The following TENM3 variants were observed in gnomAD, a reference collection of about 807,000 sequenced individuals.
TENM3 encodes teneurin transmembrane protein 3.
A neutral mutation model predicts 255.1 loss-of-function variants in TENM3; 63 were observed. That is an observed-to-expected ratio of 0.25 (90% confidence interval 0.20 to 0.30). TENM3 has a LOEUF of 0.30. Among genes scored for constraint, TENM3 ranks in the 10% least tolerant of loss-of-function variants. The probability of loss-of-function intolerance (pLI) is 1.00; values close to 1 mark genes in which losing one functional copy is unlikely to be tolerated. For missense variants in TENM3, 2,929 were observed against 3,461.1 expected (o/e 0.85, Z 3.86); for synonymous variants, 1,306 against 1,322.3 (o/e 0.99, Z 0.27).
At chr4:182,727,455 C>CAAAAAAAAAG (rs1554023076) in intron 13 of TENM3, among the ~76,000 whole-genome samples, 1 of 119,298 alleles carries the variant, frequency 8.4e-6, no homozygotes, top group African/African-American at 3.2e-5. Flanking sequence ...GACTCAGTCT[C>CAAAAAAAAAG]AAAAAAAAAG....
chr4:182,236,815 T>C (rs1438738015), intron 1 of TENM3, among the ~76,000 whole-genome samples: 1 of 152,216 alleles, frequency 6.6e-6, no homozygotes. Flanking sequence ...GTGTATTCTG[T>C]ATGCAATATT....
the TENM3 span, among the ~76,000 whole-genome samples, chr4:181,572,916 C>T: frequency 6.6e-6 from 1 of 152,132 alleles, no homozygotes; most frequent in Non-Finnish European, 1.5e-5. Context: ...CCCCTGGTAA[C>T]CATCCTTCTA....
chr4:182,393,892 C>A (rs1045646432), intron 3 of TENM3, among the ~76,000 whole-genome samples: 2 of 152,118 alleles, frequency 1.3e-5, no homozygotes, highest in Non-Finnish European at 2.9e-5. Context: ...TATCAGATAC[C>A]AACTGAAATG....
the TENM3 span, among the ~76,000 whole-genome samples, chr4:181,761,384 AC>A: frequency 5.9e-5 from 9 of 152,256 alleles, no homozygotes; most frequent in Non-Finnish European, 8.8e-5. Context: ...TACTTAGGTC[AC>A]TTATTTGTGC....
the TENM3 span, among the ~76,000 whole-genome samples, chr4:181,993,874 AT>A: frequency 2.0e-5 from 3 of 152,102 alleles, no homozygotes; most frequent in African/African-American, 7.2e-5. Flanking sequence ...AGAATTTTTA[AT>A]TTTTTAAAAT....
chr4:181,674,649 T>C, the TENM3 span, among the ~76,000 whole-genome samples: 2 of 152,088 alleles, frequency 1.3e-5, no homozygotes, highest in African/African-American at 4.8e-5. Context: ...AAATGCAAAT[T>C]TGGAAAAACG....
intron 3 of TENM3, among the ~76,000 whole-genome samples, chr4:182,586,926 T>C (rs1490147763): frequency 6.6e-6 from 1 of 152,226 alleles, no homozygotes; most frequent in African/African-American, 2.4e-5. Flanking sequence ...TTGGGAACTT[T>C]ATCTGTGTGC....
intron 19 of TENM3, among the ~76,000 whole-genome samples, chr4:182,750,078 A>G (rs1762270896): frequency 6.6e-6 from 1 of 152,334 alleles, no homozygotes. Flanking sequence ...TAAGGGATGC[A>G]ATATGTGTTG....
the TENM3 span, among the ~76,000 whole-genome samples, chr4:181,692,683 A>G: frequency 6.6e-6 from 1 of 152,212 alleles, no homozygotes; most frequent in South Asian, 2.1e-4. Flanking sequence ...GAGTAATACC[A>G]AAGAGCCTAG....
chr4:182,319,943 T>G (rs1454979073), intron 1 of TENM3, among the ~76,000 whole-genome samples: 1 of 152,078 alleles, frequency 6.6e-6, no homozygotes, highest in African/African-American at 2.4e-5. Flanking sequence ...TGAAACCCCA[T>G]CTCTACTAAA....
At chr4:181,829,450 T>A in the TENM3 span, among the ~76,000 whole-genome samples, 8 of 152,100 alleles carry the variant, frequency 5.3e-5, no homozygotes, top group African/African-American at 1.9e-4. Context: ...ATTGGTAAAA[T>A]TGCAATAGTT....
intron 1 of TENM3, among the ~76,000 whole-genome samples, chr4:182,262,728 T>A (rs1336574089): frequency 1.3e-5 from 2 of 149,592 alleles, no homozygotes; most frequent in Non-Finnish European, 3.0e-5. Flanking sequence ...TTCTTTTTTT[T>A]TTTTTTTTTT....
intron 3 of TENM3, among the ~76,000 whole-genome samples, chr4:182,445,863 A>G: frequency 6.6e-6 from 1 of 152,212 alleles, no homozygotes; most frequent in South Asian, 2.1e-4. Context: ...TTAGACAAGA[A>G]TTGCTTAAGT....
the TENM3 span, among the ~76,000 whole-genome samples, chr4:181,738,097 T>C: frequency 5.3e-5 from 8 of 152,192 alleles, no homozygotes; most frequent in African/African-American, 1.9e-4. Context: ...GCTTTATTCT[T>C]CTGACAAGTT....
At chr4:181,574,270 G>A in the TENM3 span, among the ~76,000 whole-genome samples, 1 of 152,132 alleles carries the variant, frequency 6.6e-6, no homozygotes, top group African/African-American at 2.4e-5. Context: ...GGTGGCTCAC[G>A]CCTGTAATCC....
At chr4:182,280,869 C>G (rs1398412353) in intron 1 of TENM3, among the ~76,000 whole-genome samples, 1 of 152,158 alleles carries the variant, frequency 6.6e-6, no homozygotes, top group Non-Finnish European at 1.5e-5. Flanking sequence ...GCCTCTTTGC[C>G]AAGTAGCCTC....
the TENM3 span, among the ~76,000 whole-genome samples, chr4:181,692,285 T>C: frequency 3.3e-5 from 5 of 152,212 alleles, no homozygotes; most frequent in South Asian, 6.2e-4. Flanking sequence ...GCGTTTGGCA[T>C]ACACAATTAA....
chr4:182,299,170 T>C (rs772857897), intron 1 of TENM3, among the ~76,000 whole-genome samples: 45 of 151,690 alleles, frequency 3.0e-4, no homozygotes, highest in Non-Finnish European at 4.0e-4. Flanking sequence ...TGTAACAAAT[T>C]CTCAATTGCA....
intron 3 of TENM3, among the ~76,000 whole-genome samples, chr4:182,460,612 T>A (rs1774257714): frequency 1.3e-5 from 2 of 152,218 alleles, no homozygotes; most frequent in African/African-American, 4.8e-5. Flanking sequence ...TTTATTTTTT[T>A]AAATAAAGCA....
Sources: gnomAD v4.1 joint callset for allele counts (sites outside exome capture counted in the v4.1 genomes callset) on GRCh38, gnomAD v4.1.1 for gene constraint, MANE v1.5 for transcripts, NCBI Gene and HGNC (gene_info 2026-07-23, HGNC 2026-07-21) for gene names.